Variants in ZNF609 observed in about 807,000 individuals in gnomAD.
ZNF609 encodes the protein zinc finger protein 609.
ZNF609 carries 11 observed loss-of-function variants against 109.5 expected under a neutral mutation model. The observed-to-expected ratio is 0.10, with a 90% CI of 0.06 to 0.17. ZNF609 has a LOEUF of 0.17. Among genes scored for constraint, ZNF609 ranks in the 10% least tolerant of loss-of-function variants. ZNF609 has a pLI of 1.00. For synonymous variants in ZNF609, 646 were observed against 662.0 expected (o/e 0.98, Z 0.37); for missense variants, 1,559 against 1,772.4 (o/e 0.88, Z 2.16).
At chr15:64,611,783 G>A (rs1895719277) in intron 2 of ZNF609, among the ~76,000 whole-genome samples, 1 of 151,362 alleles carries the variant, frequency 6.6e-6, no homozygotes, top group South Asian at 2.1e-4. Context: ...GCCCAGGCTG[G>A]AGTGCAGTGG....
intron 2 of ZNF609, among the ~76,000 whole-genome samples, chr15:64,513,861 G>A (rs113717065): frequency 0.017 from 2,557 of 152,198 alleles, 26 homozygotes; most frequent in Non-Finnish European, 0.025. Flanking sequence ...GGAGGCCAAG[G>A]TGGGAGGACT....
chr15:64,634,984 T>G (rs1320260280), intron 3 of ZNF609, among the ~76,000 whole-genome samples: 1 of 152,186 alleles, frequency 6.6e-6, no homozygotes, highest in Non-Finnish European at 1.5e-5. Flanking sequence ...TTGTGGATTG[T>G]GTTATATGTC....
At chr15:64,492,075 C>G (rs1369156646) in intron 1 of ZNF609, among the ~76,000 whole-genome samples, 1 of 151,892 alleles carries the variant, frequency 6.6e-6, no homozygotes, top group Non-Finnish European at 1.5e-5. Flanking sequence ...AACCCCATCT[C>G]TACTAAAAGT....
At chr15:64,492,620 G>T (rs1322883957) in intron 1 of ZNF609, among the ~76,000 whole-genome samples, 1 of 152,116 alleles carries the variant, frequency 6.6e-6, no homozygotes, top group Non-Finnish European at 1.5e-5. Flanking sequence ...GGGCTCAAGT[G>T]ATCCTCTCAC....
At chr15:64,486,842 C>G (rs1652615151) in intron 1 of ZNF609, among the ~76,000 whole-genome samples, 1 of 152,156 alleles carries the variant, frequency 6.6e-6, no homozygotes, top group Non-Finnish European at 1.5e-5. Context: ...CTGAAGTAAT[C>G]TGTCCGCCTT....
chr15:64,616,247 G>C (rs1302664029), intron 2 of ZNF609, among the ~76,000 whole-genome samples: 1 of 152,050 alleles, frequency 6.6e-6, no homozygotes, highest in Non-Finnish European at 1.5e-5. Context: ...TCCCGCCTTG[G>C]CCTCCCAGAG....
At chr15:64,469,027 C>T (rs1893053246) in intron 1 of ZNF609, among the ~76,000 whole-genome samples, 1 of 112,426 alleles carries the variant, frequency 8.9e-6, no homozygotes, top group African/African-American at 3.2e-5. Context: ...ACAGAGAGGC[C>T]TCATATCTTA....
intron 2 of ZNF609, among the ~76,000 whole-genome samples, chr15:64,516,316 G>A (rs1003287843): frequency 5.9e-5 from 9 of 152,006 alleles, no homozygotes; most frequent in African/African-American, 2.2e-4. Flanking sequence ...TTTGTTTTTC[G>A]TTTATTCAGT....
Position 64,623,109 on chromosome 15 carries a change from A to T in ZNF609, c.973+57A>T, listed in dbSNP as rs878937572. The T allele has an allele frequency of 3.3e-6, 5 of 1,535,202 alleles. No homozygotes were observed. The South Asian group carries it at 5.6e-5, about 17-fold the overall frequency. ...CTCAACCTGCTTCTGCAGGGGAGCCACCAGGGACTTATTGTTGTAAATATT... is the reference window on the plus strand; with the variant it reads ...CTCAACCTGCTTCTGCAGGGGAGCCTCCAGGGACTTATTGTTGTAAATATT... On this transcript the variant is annotated intron_variant, in intron 3 of 9. Transcript: ENST00000326648.
At position 64,674,809 on chromosome 15, in the gene ZNF609, G is replaced by C; in HGVS notation, c.1955G>C (p.Ser652Thr). The C allele has an allele frequency of 1.2e-6, 2 of 1,614,100 alleles. No individual in the cohort carries two copies. Among genetic ancestry groups the C allele is most frequent in the Non-Finnish European group, 1.7e-6 (2 of 1,180,018 alleles). The change falls in exon 5 of 10, where the codon AGC becomes ACC. Residue 652 changes from serine to threonine, a missense_variant. This residue lies in a region of ZNF609 where 1,204 missense variants were observed against 1,314.1 expected (regional missense o/e 0.92). Coordinates refer to ENST00000326648, the MANE Select transcript of ZNF609 (RefSeq NM_015042.2). ...AAACCTGAAAAGATTCCTTCCAAGAGCCTAAAGTCAGCCCGTCCCATTGCC... is the reference window on the plus strand; with the variant it reads ...AAACCTGAAAAGATTCCTTCCAAGACCCTAAAGTCAGCCCGTCCCATTGCC... ...SLKPEKIPSK[S>T]LKSARPIAPA...
chr15:64,476,290 CAA>C (rs36013169), intron 1 of ZNF609, among the ~76,000 whole-genome samples: 4 of 145,542 alleles, frequency 2.7e-5, no homozygotes, highest in African/African-American at 1.0e-4. Flanking sequence ...CAAAATAGAC[CAA>C]AAAAAAAAAA....
At chr15:64,478,724 T>C (rs1386126402) in intron 1 of ZNF609, among the ~76,000 whole-genome samples, 1 of 152,030 alleles carries the variant, frequency 6.6e-6, no homozygotes, top group Non-Finnish European at 1.5e-5. Flanking sequence ...TAAGGAAAAA[T>C]CTATTACTTT....
At chr15:64,548,995 T>C (rs1382337216) in intron 2 of ZNF609, among the ~76,000 whole-genome samples, 1 of 152,206 alleles carries the variant, frequency 6.6e-6, no homozygotes, top group Non-Finnish European at 1.5e-5. Flanking sequence ...AGAGTTCACC[T>C]GAAAACCCTG....
chr15:64,568,793 T>G (rs1179609007), intron 2 of ZNF609, among the ~76,000 whole-genome samples: 1 of 152,204 alleles, frequency 6.6e-6, no homozygotes, highest in Non-Finnish European at 1.5e-5. Context: ...TAAGGATGAA[T>G]AAGATATGTT....
Position 64,499,820 on chromosome 15 carries a change from T to C in ZNF609, c.401T>C (p.Leu134Pro), listed in dbSNP as rs1486945360. 1.2e-6 allele frequency: 2 copies of C among 1,613,960 alleles called. No individual in the cohort carries two copies. The highest frequency in any genetic ancestry group is 1.3e-5 in the African/African-American group (1 of 74,908). Reference sequence around the variant, plus strand: ...GGAGATGGTGCCAATGCTGGAGGCCTGGTTGCTGCTATTGCTCCCAAGGGC... The same window carrying C: ...GGAGATGGTGCCAATGCTGGAGGCCCGGTTGCTGCTATTGCTCCCAAGGGC... Reference protein sequence around the residue: ...RSGDGANAGGLVAAIAPKGSE... With the variant: ...RSGDGANAGGPVAAIAPKGSE... The change falls in exon 2 of 10, where the codon CTG becomes CCG. Residue 134 changes from leucine (L) to proline (P), a missense_variant. Leu to Pro is a moderately conservative substitution (Grantham distance 98). This residue lies in a region of ZNF609 where 291 missense variants were observed against 317.8 expected (regional missense o/e 0.92). Transcript: ENST00000326648.
intron 2 of ZNF609, among the ~76,000 whole-genome samples, chr15:64,558,815 C>T (rs1894632558): frequency 6.6e-6 from 1 of 151,918 alleles, no homozygotes; most frequent in African/African-American, 2.4e-5. Flanking sequence ...TGGAACTTAA[C>T]TATTGAGGTT....
At chr15:64,534,506 G>T (rs562341317) in intron 2 of ZNF609, among the ~76,000 whole-genome samples, 67 of 151,916 alleles carry the variant, frequency 4.4e-4, no homozygotes, top group African/African-American at 1.5e-3. Context: ...GTAAAGATGG[G>T]GTTTCACCGT....
At chr15:64,627,392 A>C (rs1019111969) in intron 3 of ZNF609, among the ~76,000 whole-genome samples, 1 of 152,130 alleles carries the variant, frequency 6.6e-6, no homozygotes, top group Non-Finnish European at 1.5e-5. Flanking sequence ...GTTCTAGGAG[A>C]TGCTATAGGT....
rs764509854 is a variant in ZNF609, at chr15:64,670,448, C to T, written c.1061+15C>T. ...GCACCCCCAAGGTAAGCACTTACAG[C>T]TATTTAGTTTATATTATTCTGAACC... On this transcript the variant is annotated intron_variant, in intron 4 of 9. Coordinates refer to ENST00000326648, the MANE Select transcript of ZNF609 (RefSeq NM_015042.2). The T allele has an allele frequency of 6.2e-7, 1 of 1,606,708 alleles. No homozygotes were observed. The highest frequency in any genetic ancestry group is 2.2e-5 in the East Asian group (1 of 44,866).
Sources: allele counts gnomAD v4.1 joint callset (sites outside exome capture counted in the v4.1 genomes callset), GRCh38; gene constraint gnomAD v4.1.1; regional missense constraint gnomAD v4.1.1; transcripts MANE v1.5; gene names NCBI Gene and HGNC (gene_info 2026-07-23, HGNC 2026-07-21).